Variants in ANO2 observed in about 807,000 individuals in gnomAD.
The protein encoded by ANO2 is anoctamin 2.
Under a neutral mutation model 124.2 loss-of-function variants are expected in ANO2, and 101 were observed. The ratio of observed to expected loss-of-function variants is 0.81; its 90% confidence interval spans 0.69 to 0.96. ANO2 has a LOEUF of 0.96. ANO2 is among the 40% of genes least tolerant of loss of function. The pLI is 0.00. For missense variants in ANO2, 1,293 were observed against 1,274.5 expected (o/e 1.01, Z -0.22); for synonymous variants, 486 against 482.5 (o/e 1.01, Z -0.09).
At chr12:5,715,707 C>G (rs1016611128) in intron 14 of ANO2, among the ~76,000 whole-genome samples, 4 of 152,210 alleles carry the variant, frequency 2.6e-5, no homozygotes, top group Non-Finnish European at 5.9e-5. Flanking sequence ...AGCTGCCCCT[C>G]TATGCTGGTG....
rs184602187 is a variant in ANO2 at position 5,837,989 on chromosome 12, G to A, written c.634-5386C>T. On this transcript the variant is annotated intron_variant, in intron 4 of 24. Coordinates refer to ENST00000682330, the MANE Select transcript of ANO2 (RefSeq NM_001364791.2). The stretch of plus-strand genomic sequence containing the variant: ...AGCAAGACTAATAAAGAAAAAAAGA[G>A]AGAAGAATCAAATAGACGCAATAAA... Among the ~76,000 whole-genome samples the A allele has an allele frequency of 1.5e-4, 23 of 152,060 alleles. No individual in the cohort carries two copies. In the East Asian group the frequency reaches 3.3e-3, roughly 22 times the overall value.
intron 14 of ANO2, among the ~76,000 whole-genome samples, chr12:5,691,967 T>C (rs12305796): frequency 0.084 from 12,755 of 151,980 alleles, 675 homozygotes; most frequent in African/African-American, 0.13. Context: ...GGAAGAAAGA[T>C]GGCAGCCAGA....
chr12:5,686,590 T>A (rs946600223), intron 14 of ANO2, among the ~76,000 whole-genome samples: 1 of 152,096 alleles, frequency 6.6e-6, no homozygotes, highest in Non-Finnish European at 1.5e-5. Flanking sequence ...TTAATCCCAG[T>A]GAAAGTGTGG....
intron 11 of ANO2, among the ~76,000 whole-genome samples, chr12:5,750,041 C>T (rs1300394844): frequency 6.6e-6 from 1 of 152,100 alleles, no homozygotes; most frequent in Non-Finnish European, 1.5e-5. Context: ...AGCAGTTCTC[C>T]TGCCTCAGCC....
intron 7 of ANO2, among the ~76,000 whole-genome samples, chr12:5,814,106 C>G (rs1953522469): frequency 6.6e-6 from 1 of 152,220 alleles, no homozygotes; most frequent in Admixed American, 6.5e-5. Flanking sequence ...CCCTGGCCTT[C>G]TGCCTAAATA....
chr12:5,861,043 C>A (rs893644765), intron 3 of ANO2, among the ~76,000 whole-genome samples: 1 of 152,182 alleles, frequency 6.6e-6, no homozygotes, highest in Non-Finnish European at 1.5e-5. Context: ...AGCTTAGGGA[C>A]ACAGAGGAAT....
At chr12:5,915,171 A>G (rs1399982902) in intron 3 of ANO2, among the ~76,000 whole-genome samples, 1 of 152,190 alleles carries the variant, frequency 6.6e-6, no homozygotes, top group Non-Finnish European at 1.5e-5. Flanking sequence ...CGTCTCTGTC[A>G]CCCATAAGCA....
At chr12:5,599,920 C>A (rs1178895163) in intron 19 of ANO2, among the ~76,000 whole-genome samples, 1 of 152,216 alleles carries the variant, frequency 6.6e-6, no homozygotes, top group Non-Finnish European at 1.5e-5. Flanking sequence ...GTTGGCCCTT[C>A]CTGCCAATGC....
intron 9 of ANO2, among the ~76,000 whole-genome samples, chr12:5,800,936 C>T (rs1211976672): frequency 6.6e-6 from 1 of 151,996 alleles, no homozygotes; most frequent in Non-Finnish European, 1.5e-5. Context: ...GGGCACGCCA[C>T]CATTTAGAGG....
At chr12:5,875,772 G>C (rs1353009712) in intron 3 of ANO2, among the ~76,000 whole-genome samples, 1 of 151,782 alleles carries the variant, frequency 6.6e-6, no homozygotes, top group Non-Finnish European at 1.5e-5. Flanking sequence ...ACTGCAGTGA[G>C]CAGCACAACG....
At position 5,638,231 on chromosome 12, in the gene ANO2, CTTTTCCT is replaced by C. The variant is rs1305854134; in HGVS notation, c.1621-2891_1621-2885del. 5.8e-5 allele frequency among the ~76,000 whole-genome samples: 6 copies of C among 103,414 alleles called. 1 individual carries two copies. The highest frequency in any genetic ancestry group is 2.0e-4 in the African/African-American group (6 of 29,388). 67.8% of individuals were successfully genotyped at this position (103,414 alleles called of 152,430 possible). ...ATGCATATCTTCACTAGCACTGTTT[CTTTTCCT>C]TTTTTTTTTTTTTTTGAGACGGAGT... On this transcript the variant is annotated intron_variant, in intron 15 of 24. Coordinates refer to ENST00000682330, the MANE Select transcript of ANO2 (RefSeq NM_001364791.2).
chr12:5,732,882 G>A (rs1950702170), intron 13 of ANO2: 1 of 1,613,916 alleles, frequency 6.2e-7, no homozygotes, highest in Non-Finnish European at 8.5e-7. Context: ...ACGTTCCTGG[G>A]GATAGCGCCG....
chr12:5,841,161 C>T (rs1023992189), intron 4 of ANO2, among the ~76,000 whole-genome samples: 1 of 152,216 alleles, frequency 6.6e-6, no homozygotes, highest in Admixed American at 6.5e-5. Context: ...TGTCCCTGCT[C>T]GCTTGCTGCA....
rs141181654 is a variant in ANO2 at position 5,718,228 on chromosome 12, T to G, written c.1545+14292A>C. 2.1e-3 allele frequency among the ~76,000 whole-genome samples: 324 copies of G among 152,264 alleles called. 2 individuals are homozygous for G. Among genetic ancestry groups the G allele is most frequent in the African/African-American group, 6.8e-3 (283 of 41,554 alleles). On this transcript the variant is annotated intron_variant, in intron 14 of 24. Coordinates refer to ENST00000682330, the MANE Select transcript of ANO2 (RefSeq NM_001364791.2). ...CCCTCACTGAAACAGAGCAAAAACA[T>G]CAAACGTTAGCAAGCCTAAGTAAGG...
chr12:5,827,637 G>T, intron 7 of ANO2, 132 bp downstream of exon 7: 2 of 1,115,950 alleles, frequency 1.8e-6, no homozygotes, highest in Non-Finnish European at 2.6e-6. Flanking sequence ...CTCAGCCCAA[G>T]CTAAGCAGCC....
intron 6 of ANO2, among the ~76,000 whole-genome samples, chr12:5,828,245 G>C (rs1031888924): frequency 7.2e-5 from 11 of 152,184 alleles, no homozygotes; most frequent in Admixed American, 6.5e-4. Flanking sequence ...CTGTCTGGCG[G>C]GTCCCGGGGA....
At chr12:5,716,521 C>T (rs1020721038) in intron 14 of ANO2, among the ~76,000 whole-genome samples, 1 of 152,160 alleles carries the variant, frequency 6.6e-6, no homozygotes, top group African/African-American at 2.4e-5. Context: ...GATAAGCATG[C>T]TGAGATTCTT....
Position 5,737,169 on chromosome 12 carries a change from C to T in ANO2, c.1434+2148G>A, listed in dbSNP as rs183496728. ...AAATGCATTAAAGGAAAAGTTGAGG[C>T]TGGCCTGTGCACATGTGGGGCACGC... On this transcript the variant is annotated intron_variant, in intron 13 of 24. Coordinates refer to ENST00000682330, the MANE Select transcript of ANO2 (RefSeq NM_001364791.2). 1.3e-3 allele frequency among the ~76,000 whole-genome samples: 193 copies of T among 152,336 alleles called. 1 individual carries two copies. Among genetic ancestry groups the T allele is most frequent in the Non-Finnish European group, 1.7e-3 (114 of 68,026 alleles).
chr12:5,762,477 AATG>A (rs1362063070), intron 10 of ANO2, among the ~76,000 whole-genome samples: 1 of 151,964 alleles, frequency 6.6e-6, no homozygotes, highest in Admixed American at 6.6e-5. Flanking sequence ...AAGTATATAA[AATG>A]ATAAGAGAAA....
Sources: gnomAD v4.1 joint callset for allele counts (sites outside exome capture counted in the v4.1 genomes callset) on GRCh38, gnomAD v4.1.1 for gene constraint, MANE v1.5 for transcripts, NCBI Gene and HGNC (gene_info 2026-07-23, HGNC 2026-07-21) for gene names.